PCDH15: variants seen among roughly 807,000 people sequenced by gnomAD.
PCDH15 encodes protocadherin-15.
PCDH15 carries 129 observed loss-of-function variants against 178.5 expected under a neutral mutation model. The ratio of observed to expected loss-of-function variants is 0.72; its 90% confidence interval spans 0.63 to 0.84. The LOEUF (loss-of-function observed/expected upper bound fraction) is 0.84. Ranked by LOEUF, PCDH15 falls within the 40% of genes least tolerant of loss-of-function variation. The pLI is 0.00. For missense variants in PCDH15, 2,230 were observed against 2,099.9 expected (o/e 1.06, Z -1.21); for synonymous variants, 800 against 732.0 (o/e 1.09, Z -1.50).
chr10:54,361,250 C>T (rs1945996720), intron 5 of PCDH15, among the ~76,000 whole-genome samples: 1 of 151,966 alleles, frequency 6.6e-6, no homozygotes, highest in African/African-American at 2.4e-5. Flanking sequence ...TACAAGTGGA[C>T]CCTCACAGTT....
At chr10:55,406,298 AG>A (rs752622277) in intron 2 of PCDH15, among the ~76,000 whole-genome samples, 1 of 152,174 alleles carries the variant, frequency 6.6e-6, no homozygotes, top group East Asian at 1.9e-4. Flanking sequence ...CTTGTATAAA[AG>A]GTTATTCTGC....
intron 8 of PCDH15, among the ~76,000 whole-genome samples, chr10:54,297,272 A>G (rs2059860138): frequency 6.6e-6 from 1 of 152,020 alleles, no homozygotes; most frequent in South Asian, 2.1e-4. Flanking sequence ...AGCCATTGGG[A>G]CCAATTTGAC....
chr10:53,933,656 C>T (rs2085295460), intron 25 of PCDH15, among the ~76,000 whole-genome samples: 1 of 152,262 alleles, frequency 6.6e-6, no homozygotes, highest in Non-Finnish European at 1.5e-5. Context: ...GTCTTTATAG[C>T]AGCATGATTT....
chr10:53,979,684 C>T (rs926121270), intron 21 of PCDH15, among the ~76,000 whole-genome samples: 3 of 152,156 alleles, frequency 2.0e-5, no homozygotes, highest in Non-Finnish European at 2.9e-5. Flanking sequence ...AAAATGTACA[C>T]ATAAAAACAC....
chr10:54,318,589 A>C (rs2061415870), intron 7 of PCDH15, among the ~76,000 whole-genome samples: 1 of 152,176 alleles, frequency 6.6e-6, no homozygotes, highest in Non-Finnish European at 1.5e-5. Context: ...CCCAATCAGG[A>C]TACCAGTTTG....
At chr10:54,258,725 C>T (rs527367166) in intron 8 of PCDH15, among the ~76,000 whole-genome samples, 17 of 152,080 alleles carry the variant, frequency 1.1e-4, no homozygotes, top group Non-Finnish European at 1.8e-4. Context: ...TAATATCCAA[C>T]GTGAATAAAG....
At chr10:55,545,240 A>G (rs918917223) in intron 2 of PCDH15, among the ~76,000 whole-genome samples, 2 of 151,596 alleles carry the variant, frequency 1.3e-5, no homozygotes, top group African/African-American at 2.4e-5. Context: ...AATTTCAACT[A>G]ATATGGAAAA....
chr10:54,055,438 TG>T (rs2093865409), intron 18 of PCDH15, among the ~76,000 whole-genome samples: 1 of 152,248 alleles, frequency 6.6e-6, no homozygotes, highest in African/African-American at 2.4e-5. Context: ...CTGAGAACAT[TG>T]TTTAATCTTT....
intron 8 of PCDH15, among the ~76,000 whole-genome samples, chr10:54,244,187 C>T (rs768152952): frequency 1.3e-5 from 2 of 152,118 alleles, no homozygotes; most frequent in Non-Finnish European, 2.9e-5. Flanking sequence ...ACTCTTTATT[C>T]TACCAAGTAT....
At position 54,426,429 on chromosome 10, in the gene PCDH15, T is replaced by C. The variant is rs1271860189; in HGVS notation, c.158-47487A>G. ...AGTAGAGCTGGTGCTTCTATGATAA[T>C]CAAATGCTGCCAGTGATCTGACAGG... On this transcript the variant is annotated intron_variant, in intron 3 of 37. Transcript: ENST00000644397. Among the ~76,000 whole-genome samples the C allele has an allele frequency of 3.9e-5, 6 of 152,214 alleles. No individual in the cohort carries two copies. In the East Asian group the frequency reaches 1.2e-3, roughly 30 times the overall value.
At chr10:54,661,976 T>C (rs2094499530) in intron 2 of PCDH15, among the ~76,000 whole-genome samples, 1 of 151,970 alleles carries the variant, frequency 6.6e-6, no homozygotes, top group African/African-American at 2.4e-5. Flanking sequence ...GGAAAACCTC[T>C]TTAGACATTG....
chr10:54,773,815 T>C (rs1046582534), intron 1 of PCDH15, among the ~76,000 whole-genome samples: 1 of 152,022 alleles, frequency 6.6e-6, no homozygotes, highest in Non-Finnish European at 1.5e-5. Context: ...GAAAATATCA[T>C]TCAATGCTGC....
intron 3 of PCDH15, among the ~76,000 whole-genome samples, chr10:54,397,975 G>T (rs1951456668): frequency 6.6e-6 from 1 of 151,768 alleles, no homozygotes; most frequent in Non-Finnish European, 1.5e-5. Context: ...AATCAATTTG[G>T]TTCACTATCC....
chr10:54,979,687 C>A lies in PCDH15; in HGVS notation c.-79-82187G>T, dbSNP rs1274338224. Among the ~76,000 whole-genome samples, 79 of 132,722 alleles carry A rather than the reference C, an allele frequency of 6.0e-4. No individual in the cohort carries two copies. The Middle Eastern group carries it at 0.016, about 26-fold the overall frequency. 87.1% of individuals were successfully genotyped at this position (132,722 alleles called of 152,430 possible). ...GTGTCTCAAAAAAAAAAAAAAAAAA[C>A]CAGAATTTTATTTTTATCAACAGAA... On this transcript the variant is annotated intron_variant, in intron 2 of 5. Transcript: ENST00000458638.
At position 54,774,471 on chromosome 10, in the gene PCDH15, G is replaced by A. The variant is rs551351498; in HGVS notation, c.-29+26454C>T. 2.0e-5 allele frequency among the ~76,000 whole-genome samples: 3 copies of A among 152,034 alleles called. No homozygotes were observed. In the East Asian group the frequency reaches 5.8e-4, roughly 29 times the overall value. On this transcript the variant is annotated intron_variant, in intron 1 of 37. Coordinates refer to ENST00000644397, the MANE Select transcript of PCDH15 (RefSeq NM_001384140.1). ...TATCTTGAAACTAAAACATAAATAA[G>A]TGTCACAAATTTAAAATATACATTT... is the stretch of plus-strand genomic sequence containing the variant.
intron 1 of PCDH15, among the ~76,000 whole-genome samples, chr10:55,299,027 G>A (rs537522161): frequency 6.6e-6 from 1 of 152,160 alleles, no homozygotes; most frequent in South Asian, 2.1e-4. Context: ...TTACAACATA[G>A]TATGCAGGCT....
chr10:54,984,593 C>T (rs143312381), intron 2 of PCDH15, among the ~76,000 whole-genome samples: 2,038 of 152,252 alleles, frequency 0.013, 40 homozygotes, highest in African/African-American at 0.046. Flanking sequence ...AATCCCAGCA[C>T]TTTCAGAGTC....
At chr10:55,484,557 A>G (rs1202311710) in intron 2 of PCDH15, among the ~76,000 whole-genome samples, 2 of 151,808 alleles carry the variant, frequency 1.3e-5, no homozygotes, top group African/African-American at 2.4e-5. Flanking sequence ...TAAAATATGT[A>G]TGGAACCATG....
chr10:53,888,576 GT>G lies in PCDH15; in HGVS notation c.3501+14666del, dbSNP rs71004492. Among the ~76,000 whole-genome samples, 158 of 39,456 alleles carry G rather than the reference GT, an allele frequency of 4.0e-3. 7 individuals are homozygous for G. Among genetic ancestry groups the G allele is most frequent in the African/African-American group, 0.012 (139 of 11,324 alleles). The allele number at this position is 39,456 out of a possible 152,430, so 25.9% of individuals were successfully genotyped here. A position where few individuals can be genotyped will look rare whatever the true frequency, so the allele number is the denominator to read the frequency against. On this transcript the variant is annotated intron_variant, in intron 26 of 37. Transcript: ENST00000644397. ...GTCGCTTCACAATTTGATTTTGTCT[GT>G]TTTTTTTTTTTTTTTTTTTTTAGTC...
Sources: allele counts gnomAD v4.1 joint callset (sites outside exome capture counted in the v4.1 genomes callset), GRCh38; gene constraint gnomAD v4.1.1; transcripts MANE v1.5; gene names NCBI Gene and HGNC (gene_info 2026-07-23, HGNC 2026-07-21).